Variants in NKAIN2 observed in about 807,000 individuals in gnomAD.
The protein encoded by NKAIN2 is sodium/potassium-transporting ATPase subunit beta-1-interacting protein 2.
Under a neutral mutation model 32.6 loss-of-function variants are expected in NKAIN2, and 14 were observed. The ratio of observed to expected loss-of-function variants is 0.43; its 90% CI spans 0.28 to 0.67. NKAIN2 has a LOEUF of 0.67. Among genes scored for constraint, NKAIN2 ranks in the 30% least tolerant of loss-of-function variants. The probability of loss-of-function intolerance (pLI) is 0.17; values close to 1 mark genes in which losing one functional copy is unlikely to be tolerated. For synonymous variants in NKAIN2, 80 were observed against 87.2 expected (o/e 0.92, Z 0.46); for missense variants, 198 against 258.3 (o/e 0.77, Z 1.60).
At chr6:124,559,386 C>T (rs1295773901) in intron 3 of NKAIN2, among the ~76,000 whole-genome samples, 2 of 152,130 alleles carry the variant, frequency 1.3e-5, no homozygotes, top group Non-Finnish European at 2.9e-5. Flanking sequence ...AAAGAAGTGA[C>T]GAGCTGAGGC....
rs112574967 is a variant in NKAIN2, at chr6:124,061,065, G to A, written c.55-221940G>A. ...AGTGTTCATGTGATTTGATCAAAGG[G>A]CTCCAATCTCTGAGAGACAGTAAAT... On this transcript the variant is annotated intron_variant, in intron 1 of 6. Transcript: ENST00000368417. Among the ~76,000 whole-genome samples the A allele has an allele frequency of 4.3e-4, 65 of 152,172 alleles. 1 individual carries two copies. Among genetic ancestry groups the A allele is most frequent in the African/African-American group, 1.5e-3 (63 of 41,526 alleles).
At chr6:124,523,955 G>A (rs1343002573) in intron 3 of NKAIN2, among the ~76,000 whole-genome samples, 2 of 152,168 alleles carry the variant, frequency 1.3e-5, no homozygotes, top group East Asian at 1.9e-4. Context: ...CACATCAGTA[G>A]GGGATAAGTG....
chr6:124,657,277 A>G (rs1044797331), intron 3 of NKAIN2, among the ~76,000 whole-genome samples: 1 of 152,170 alleles, frequency 6.6e-6, no homozygotes, highest in Non-Finnish European at 1.5e-5. Flanking sequence ...GCAATTTCCC[A>G]TAACTGACCT....
chr6:124,206,463 T>G (rs1026530633), intron 1 of NKAIN2, among the ~76,000 whole-genome samples: 5 of 151,942 alleles, frequency 3.3e-5, no homozygotes, highest in African/African-American at 1.2e-4. Context: ...AAGAGATTGT[T>G]TTTTAGTAGA....
intron 4 of NKAIN2, among the ~76,000 whole-genome samples, chr6:124,662,235 T>TTTAC (rs1784772604): frequency 6.6e-6 from 1 of 152,182 alleles, no homozygotes; most frequent in African/African-American, 2.4e-5. Context: ...CATATTATAC[T>TTTAC]TTACTTCCTG....
At chr6:124,683,652 C>T (rs1032468170) in intron 4 of NKAIN2, among the ~76,000 whole-genome samples, 1 of 152,142 alleles carries the variant, frequency 6.6e-6, no homozygotes, top group Non-Finnish European at 1.5e-5. Context: ...GACTAGTGTG[C>T]AAGCACCTTG....
intron 1 of NKAIN2, among the ~76,000 whole-genome samples, chr6:123,843,382 C>T (rs1774958507): frequency 6.6e-6 from 1 of 152,060 alleles, no homozygotes; most frequent in African/African-American, 2.4e-5. Flanking sequence ...TGGGGATGAA[C>T]CATAGTCCCC....
Position 123,948,300 on chromosome 6 carries a change from G to A in NKAIN2, c.54+144046G>A, listed in dbSNP as rs376766409. On this transcript the variant is annotated intron_variant, in intron 1 of 6. Transcript: ENST00000368417. ...ATAAAAATGAAGTAGTGGGATAGCT[G>A]AATCATATGGTAGTTCTATTTTTAG... 4.7e-3 allele frequency among the ~76,000 whole-genome samples: 711 copies of A among 152,152 alleles called. 2 individuals are homozygous for A. Among genetic ancestry groups the A allele is most frequent in the African/African-American group, 0.016 (679 of 41,562 alleles).
intron 3 of NKAIN2, among the ~76,000 whole-genome samples, chr6:124,377,385 A>G (rs1301662206): frequency 6.6e-6 from 1 of 152,220 alleles, no homozygotes; most frequent in East Asian, 1.9e-4. Context: ...TCTAAAGCCT[A>G]GCAGAGAAGA....
intron 1 of NKAIN2, among the ~76,000 whole-genome samples, chr6:124,213,391 CAAAT>C (rs778632208): frequency 2.0e-5 from 3 of 151,942 alleles, no homozygotes; most frequent in Non-Finnish European, 2.9e-5. Context: ...TAGCTGCAAA[CAAAT>C]ATTTTTATTT....
At chr6:124,267,365 C>A (rs1794540364) in intron 1 of NKAIN2, among the ~76,000 whole-genome samples, 1 of 151,426 alleles carries the variant, frequency 6.6e-6, no homozygotes, top group Non-Finnish European at 1.5e-5. Flanking sequence ...ATTTTTCAGC[C>A]AGGCACAGTG....
At chr6:124,356,152 C>A (rs1014372037) in intron 3 of NKAIN2, among the ~76,000 whole-genome samples, 1 of 152,052 alleles carries the variant, frequency 6.6e-6, no homozygotes, top group Non-Finnish European at 1.5e-5. Context: ...AAGGCCCCTG[C>A]AAACATGTTG....
intron 3 of NKAIN2, among the ~76,000 whole-genome samples, chr6:124,467,460 C>T (rs1021826814): frequency 5.3e-5 from 8 of 152,072 alleles, no homozygotes; most frequent in Non-Finnish European, 7.4e-5. Context: ...ACATGTTTTA[C>T]ATGCTTCATT....
rs140741998 is a variant in NKAIN2, at chr6:124,083,993, T to C, written c.55-199012T>C. ...TGATCTTGATTGTAAGAGAAACAGG[T>C]ACCAATAAAGCTATAACAGAAGGTA... On this transcript the variant is annotated intron_variant, in intron 1 of 6. Coordinates refer to ENST00000368417, the MANE Select transcript of NKAIN2 (RefSeq NM_001040214.3). Among the ~76,000 whole-genome samples the C allele has an allele frequency of 2.9e-3, 438 of 152,084 alleles. 3 individuals are homozygous for C. The highest frequency in any genetic ancestry group is 0.01 in the African/African-American group (418 of 41,544).
chr6:124,128,523 T>C (rs1215131073), intron 1 of NKAIN2, among the ~76,000 whole-genome samples: 1 of 152,182 alleles, frequency 6.6e-6, no homozygotes, highest in South Asian at 2.1e-4. Context: ...ATATTAACTA[T>C]TTGAATTTCC....
At chr6:124,392,147 C>G (rs1773170196) in intron 3 of NKAIN2, among the ~76,000 whole-genome samples, 1 of 152,024 alleles carries the variant, frequency 6.6e-6, no homozygotes, top group South Asian at 2.1e-4. Context: ...CTTTTAAAAA[C>G]TGGAAAATTT....
intron 1 of NKAIN2, among the ~76,000 whole-genome samples, chr6:123,879,957 T>C (rs952356304): frequency 6.6e-6 from 1 of 152,204 alleles, no homozygotes; most frequent in Non-Finnish European, 1.5e-5. Context: ...CCCTGGTGTC[T>C]TGGGGGAAGC....
intron 1 of NKAIN2, among the ~76,000 whole-genome samples, chr6:123,851,328 C>G (rs1392005501): frequency 2.8e-5 from 4 of 141,080 alleles, no homozygotes; most frequent in Non-Finnish European, 4.5e-5. Flanking sequence ...CGGCTCACTA[C>G]AACCTCCGCC....
At chr6:124,212,162 G>C (rs551506789) in intron 1 of NKAIN2, among the ~76,000 whole-genome samples, 1 of 152,066 alleles carries the variant, frequency 6.6e-6, no homozygotes. Flanking sequence ...AGTGACATTT[G>C]TAATAACTTG....
Sources: allele counts gnomAD v4.1 joint callset (sites outside exome capture counted in the v4.1 genomes callset), GRCh38; gene constraint gnomAD v4.1.1; transcripts MANE v1.5; gene names NCBI Gene and HGNC (gene_info 2026-07-23, HGNC 2026-07-21).